Variants in UAP1 observed in about 807,000 individuals in gnomAD.
The protein encoded by UAP1 is UDP-N-acetylhexosamine pyrophosphorylase.
A neutral mutation model predicts 58.5 loss-of-function variants in UAP1; 25 were observed. The observed-to-expected ratio is 0.43, with a 90% CI of 0.31 to 0.60. The LOEUF (loss-of-function observed/expected upper bound fraction) is 0.60, where lower values mean the gene tolerates loss of function less well. Ranked by LOEUF, UAP1 falls within the 20% of genes least tolerant of loss-of-function variation. The probability of loss-of-function intolerance (pLI) is 0.11; values close to 1 mark genes in which losing one functional copy is unlikely to be tolerated. For missense variants in UAP1, 575 were observed against 630.0 expected, an observed-to-expected ratio of 0.91 and a Z score of 0.93; for synonymous variants, 208 against 213.0, an observed-to-expected ratio of 0.98 and a Z score of 0.21.
At position 162,599,389 on chromosome 1, in the gene UAP1, C is replaced by T. The variant is rs753442768; in HGVS notation, c.*26C>T. 69 of 1,484,306 alleles carry T rather than the reference C, an allele frequency of 4.6e-5. No individual in the cohort carries two copies. The East Asian group carries it at 1.1e-3, about 23-fold the overall frequency. 91.9% of individuals were successfully genotyped at this position (1,484,306 alleles called of 1,614,324 possible). A position where few individuals can be genotyped will look rare whatever the true frequency, so the allele number is the denominator to read the frequency against. The stretch of plus-strand genomic sequence containing the variant: ...ACCAGATACCAAGTTTTGTTTGCCA[C>T]GATAGGAATAGCTTTTATTTTTGAT... On this transcript the variant is annotated 3_prime_UTR_variant, in exon 11 of 11. Transcript: ENST00000271469.
intron 7 of UAP1, 89 bp from the exon 8 acceptor site, chr1:162,590,231 ATTG>A (rs2101824831): frequency 2.0e-6 from 2 of 985,848 alleles, no homozygotes; most frequent in East Asian, 5.2e-5. Flanking sequence ...AGGAAAGCCT[ATTG>A]TTGAGACCAA....
chr1:162,595,120 G>A (rs1366987948), intron 9 of UAP1, among the ~76,000 whole-genome samples: 1 of 152,172 alleles, frequency 6.6e-6, no homozygotes, highest in Non-Finnish European at 1.5e-5. Context: ...AAGAATTGTG[G>A]GGCAGTAGGT....
chr1:162,565,416 A>G (rs7543821), intron 1 of UAP1, among the ~76,000 whole-genome samples: 45,882 of 152,054 alleles, frequency 0.3, 7,431 homozygotes, highest in African/African-American at 0.41. Flanking sequence ...CAAGTTTTTA[A>G]TGAGTAGAGA....
intron 9 of UAP1, 86 bp downstream of exon 9, chr1:162,592,868 C>CT: frequency 8.0e-7 from 1 of 1,245,412 alleles, no homozygotes; most frequent in African/African-American, 1.5e-5. Context: ...AGTGCTCTGC[C>CT]TTTTGGGGGT....
At chr1:162,578,334 A>T (rs545501091) in intron 3 of UAP1, among the ~76,000 whole-genome samples, 54 of 152,324 alleles carry the variant, frequency 3.5e-4, no homozygotes, top group African/African-American at 1.2e-3. Context: ...GTATAGCCTC[A>T]GTTCCCTTTT....
chr1:162,588,784 A>G (rs773676918), exon 7 of UAP1: 2 of 1,612,254 alleles, frequency 1.2e-6, no homozygotes, highest in South Asian at 2.2e-5. Context: ...AGACAAACCC[A>G]ATGGAATAAA....
intron 9 of UAP1, among the ~76,000 whole-genome samples, chr1:162,596,140 A>C (rs1465006105): frequency 6.6e-6 from 1 of 151,914 alleles, no homozygotes; most frequent in African/African-American, 2.4e-5. Context: ...GGCATGAGCC[A>C]CCACACCCGG....
intron 2 of UAP1, among the ~76,000 whole-genome samples, chr1:162,573,883 G>A (rs1188285669): frequency 5.3e-5 from 8 of 151,674 alleles, no homozygotes; most frequent in East Asian, 2.0e-4. Context: ...AGGATCACTC[G>A]AACCCAGGAG....
At chr1:162,583,905 G>A (rs1361544576) in intron 5 of UAP1, among the ~76,000 whole-genome samples, 1 of 152,192 alleles carries the variant, frequency 6.6e-6, no homozygotes, top group Admixed American at 6.5e-5. Context: ...CTCCCAAAGT[G>A]CTGGGATTAC....
At position 162,590,303 on chromosome 1, in the gene UAP1, T is replaced by C; in HGVS notation, c.1170-20T>C. 1 of 1,598,022 alleles carries C rather than the reference T, an allele frequency of 6.3e-7. No homozygotes were observed. The highest frequency in any genetic ancestry group is 1.1e-5 in the South Asian group (1 of 88,104). On this transcript the variant is annotated intron_variant, in intron 7 of 10. Coordinates refer to ENST00000271469, the Ensembl canonical transcript of UAP1. ...TATGCAGTTTCATAATAAAGAGGTC[T>C]TTATATGGTTTCGCTCTAGGAAGTT...
chr1:162,575,960 C>G (rs1654156143), intron 2 of UAP1, among the ~76,000 whole-genome samples: 1 of 152,118 alleles, frequency 6.6e-6, no homozygotes, highest in Non-Finnish European at 1.5e-5. Flanking sequence ...TGGAGTGAGC[C>G]ACTGTCCAGC....
At chr1:162,588,803 A>C in exon 7 of UAP1, 1 of 1,612,192 alleles carries the variant, frequency 6.2e-7, no homozygotes, top group Non-Finnish European at 8.5e-7. Flanking sequence ...AAGATGGAAA[A>C]ATTTGTCTTT....
chr1:162,590,234 G>A lies in UAP1; in HGVS notation c.1170-89G>A, dbSNP rs193263884. On this transcript the variant is annotated intron_variant, in intron 7 of 10. Transcript: ENST00000271469. ...TCAGATTGGAATAGGAAAGCCTATT[G>A]TTGAGACCAAAGCCTTAGCTATGTT... 1.4e-4 allele frequency: 150 copies of A among 1,056,190 alleles called. No individual in the cohort carries two copies. In the African/African-American group the frequency reaches 2.0e-3, roughly 14 times the overall value. The allele number at this position is 1,056,190 out of a possible 1,614,324, so 65.4% of individuals were successfully genotyped here. A position where few individuals can be genotyped will look rare whatever the true frequency, so the allele number is the denominator to read the frequency against.
At chr1:162,600,205 G>T (rs1038835440), downstream of UAP1, among the ~76,000 whole-genome samples, 4 of 152,294 alleles carry the variant, frequency 2.6e-5, no homozygotes, top group Admixed American at 2.0e-4. Context: ...AAGTGTCAAT[G>T]GTGTCAAGGT....
intron 6 of UAP1, chr1:162,587,892 C>T: frequency 2.3e-6 from 1 of 431,570 alleles, no homozygotes; most frequent in Non-Finnish European, 4.1e-6. Context: ...AATGGGAGGC[C>T]AAAGCATTTC....
At chr1:162,573,529 T>G (rs1653994867) in intron 2 of UAP1, among the ~76,000 whole-genome samples, 1 of 152,204 alleles carries the variant, frequency 6.6e-6, no homozygotes, top group Non-Finnish European at 1.5e-5. Flanking sequence ...TACAATTAAA[T>G]GCTATGGAGT....
chr1:162,579,422 T>C lies in UAP1; in HGVS notation c.486-6T>C. 2.0e-6 allele frequency: 3 copies of C among 1,499,460 alleles called. No homozygotes were observed. The highest frequency in any genetic ancestry group is 3.9e-4 in the Middle Eastern group (2 of 5,162). The allele number at this position is 1,499,460 out of a possible 1,614,324, so 92.9% of individuals were successfully genotyped here. A position where few individuals can be genotyped will look rare whatever the true frequency, so the allele number is the denominator to read the frequency against. On this transcript the variant is annotated splice_region_variant and splice_polypyrimidine_tract_variant and intron_variant, in intron 3 of 10. Coordinates refer to ENST00000271469, the Ensembl canonical transcript of UAP1. ...TTGCTTAGAAGATCTGATTTTCTCT[T>C]GTAAGGTATATAATGACCAGTGGCA...
chr1:162,595,187 G>T (rs916626598), intron 9 of UAP1, among the ~76,000 whole-genome samples: 3 of 152,158 alleles, frequency 2.0e-5, no homozygotes, highest in Admixed American at 6.5e-5. Context: ...GGTAGCTTCT[G>T]TTTTCCCTCC....
At chr1:162,563,281 C>T (rs189662518) in intron 1 of UAP1, among the ~76,000 whole-genome samples, 102 of 152,190 alleles carry the variant, frequency 6.7e-4, no homozygotes, top group African/African-American at 2.4e-3. Flanking sequence ...ACATTATGAA[C>T]ATTATACAAC....
Sources: gnomAD v4.1 joint callset for allele counts (sites outside exome capture counted in the v4.1 genomes callset) on GRCh38, gnomAD v4.1.1 for gene constraint, MANE v1.5 for transcripts, NCBI Gene and HGNC (gene_info 2026-07-23, HGNC 2026-07-21) for gene names.